Variants in DNAH14 observed in about 807,000 individuals in gnomAD.
DNAH14 encodes dynein axonemal heavy chain 14.
In DNAH14, 478 loss-of-function variants were observed where a neutral mutation model predicts 520.9. The ratio of observed to expected loss-of-function variants is 0.92; its 90% CI spans 0.85 to 0.99. DNAH14 has a LOEUF of 0.99. DNAH14 is among the 50% of genes least tolerant of loss of function. The pLI is 0.00. For missense variants in DNAH14, 4,831 were observed against 5,234.5 expected, an observed-to-expected ratio of 0.92 and a Z score of 2.38; for synonymous variants, 1,581 against 1,757.2, an observed-to-expected ratio of 0.90 and a Z score of 2.51.
intron 24 of DNAH14, 45 bp from the exon 25 acceptor site, chr1:225,117,836 G>C: frequency 6.6e-7 from 1 of 1,516,438 alleles, no homozygotes; most frequent in Non-Finnish European, 9.0e-7. Context: ...GCGATATTCA[G>C]ATCACAATTC....
Position 225,380,234 on chromosome 1 carries a change from G to A in DNAH14, c.12792G>A (p.Glu4264=), listed in dbSNP as rs966946106. 1.3e-6 allele frequency: 2 copies of A among 1,551,570 alleles called. No homozygotes were observed. Among genetic ancestry groups the A allele is most frequent in the African/African-American group, 2.7e-5 (2 of 73,054 alleles). ...TAAAGCGGCTGCCACTGACAGTGGA[G>A]AAAGAAGAAATTGCTGTTGGAACTC... ...DLLKRLPLTV[E]KEEIAVGTPS... is the part of the protein sequence containing the mutation. The change falls in exon 80 of 86, where the codon GAG becomes GAA. Residue 4264 remains glutamate (E), a synonymous_variant. Transcript: ENST00000682510.
intron 41 of DNAH14, among the ~76,000 whole-genome samples, 190 bp from the exon 42 acceptor site, chr1:225,230,883 G>A (rs892220010): frequency 1.3e-5 from 2 of 152,100 alleles, no homozygotes; most frequent in African/African-American, 4.8e-5. Flanking sequence ...TTCTGACAAT[G>A]TAAGAACATT....
intron 38 of DNAH14, among the ~76,000 whole-genome samples, chr1:225,196,592 A>G (rs932534635): frequency 2.6e-5 from 4 of 152,152 alleles, no homozygotes; most frequent in Non-Finnish European, 5.9e-5. Flanking sequence ...AAATCTCCAC[A>G]CTGTTTTCCA....
In DNAH14 at chr1:225,206,974, G is replaced by C; in HGVS notation, c.6193G>C (p.Val2065Leu). 1 of 1,490,622 alleles carries C rather than the reference G, an allele frequency of 6.7e-7. No homozygotes were observed. The highest frequency in any genetic ancestry group is 8.9e-7 in the Non-Finnish European group (1 of 1,120,530). The allele number at this position is 1,490,622 out of a possible 1,614,324, so 92.3% of individuals were successfully genotyped here. ...TTTTGCTCCTTATTATTAGGATCCT[G>C]TTGATCTGGGATGGGAACCTTATGT... ...SRCAMVYMDP[V>L]DLGWEPYVKS... Residue 2065 changes from valine to leucine, a missense_variant, in exon 41 of 86, where the codon GTT becomes CTT. Physicochemically the swap from Val to Leu is conservative, Grantham distance 32 (BLOSUM62 1). Coordinates refer to ENST00000682510, the MANE Select transcript of DNAH14 (RefSeq NM_001367479.1).
intron 81 of DNAH14, among the ~76,000 whole-genome samples, chr1:225,386,178 T>C (rs1468849639): frequency 2.0e-5 from 3 of 152,220 alleles, no homozygotes; most frequent in African/African-American, 4.8e-5. Context: ...GCTAGCCATA[T>C]GTAGAAAGCT....
chr1:224,967,727 G>A, intron 6 of DNAH14, 144 bp downstream of exon 6: 1 of 1,560,888 alleles, frequency 6.4e-7, no homozygotes, highest in South Asian at 1.3e-5. Context: ...AATCTCCTTG[G>A]GAGCATGTTA....
intron 1 of DNAH14, among the ~76,000 whole-genome samples, chr1:224,943,575 A>G (rs757252439): frequency 9.9e-5 from 15 of 151,820 alleles, no homozygotes; most frequent in Admixed American, 3.9e-4. Flanking sequence ...TAGTTCTTTT[A>G]ATTGCGATGT....
chr1:225,078,547 A>C (rs2072573491), intron 17 of DNAH14, among the ~76,000 whole-genome samples: 1 of 152,212 alleles, frequency 6.6e-6, no homozygotes, highest in African/African-American at 2.4e-5. Flanking sequence ...TTAATGCCCC[A>C]GTACTTAAAT....
chr1:225,356,354 A>C (rs538461242), intron 73 of DNAH14, among the ~76,000 whole-genome samples: 1 of 152,308 alleles, frequency 6.6e-6, no homozygotes, highest in East Asian at 1.9e-4. Flanking sequence ...TACAGTCTTC[A>C]CTGCTCCCTG....
At chr1:224,960,929 T>C (rs1460115660) in intron 4 of DNAH14, among the ~76,000 whole-genome samples, 1 of 152,150 alleles carries the variant, frequency 6.6e-6, no homozygotes, top group African/African-American at 2.4e-5. Context: ...GTACCTCATA[T>C]AGCACAAAAC....
intron 46 of DNAH14, among the ~76,000 whole-genome samples, chr1:225,262,628 T>C (rs1221479953): frequency 6.6e-6 from 1 of 152,036 alleles, no homozygotes; most frequent in Non-Finnish European, 1.5e-5. Flanking sequence ...TGTTTTTGTC[T>C]GATTTGTCGA....
intron 15 of DNAH14, among the ~76,000 whole-genome samples, chr1:225,044,462 T>C (rs896971335): frequency 6.6e-6 from 1 of 152,106 alleles, no homozygotes; most frequent in African/African-American, 2.4e-5. Flanking sequence ...TTCTTAAAAG[T>C]TGCATCATTC....
Position 225,168,013 on chromosome 1 carries a change from T to A in DNAH14, c.5520T>A (p.Phe1840Leu). 3 of 1,528,744 alleles carry A rather than the reference T, an allele frequency of 2.0e-6. No homozygotes were observed. The highest frequency in any genetic ancestry group is 2.6e-6 in the Non-Finnish European group (3 of 1,132,546). The allele number at this position is 1,528,744 out of a possible 1,614,324, so 94.7% of individuals were successfully genotyped here. The change falls in exon 36 of 86, where the codon TTT (phenylalanine) becomes TTA (leucine). Residue 1840 changes from phenylalanine to leucine, a missense_variant. Transcript: ENST00000682510. Reference protein sequence around the residue: ...WSSQKEKIIQFYNQLQVCVGV... With the variant: ...WSSQKEKIIQLYNQLQVCVGV... Reference sequence around the variant, plus strand: ...CTCAGAAAGAGAAGATTATACAGTTTTATAATCAACTTCAGGTAAGTATAA... The same window carrying A: ...CTCAGAAAGAGAAGATTATACAGTTATATAATCAACTTCAGGTAAGTATAA...
chr1:225,214,271 G>A (rs1028827211), intron 41 of DNAH14, among the ~76,000 whole-genome samples: 25 of 152,194 alleles, frequency 1.6e-4, no homozygotes, highest in Non-Finnish European at 3.1e-4. Flanking sequence ...CTTGATCATA[G>A]TGGATAAGCT....
chr1:225,384,730 T>A (rs1487015885), intron 81 of DNAH14, among the ~76,000 whole-genome samples: 2 of 152,182 alleles, frequency 1.3e-5, no homozygotes, highest in African/African-American at 4.8e-5. Context: ...ATTGAGGCAA[T>A]AATTAATAGC....
chr1:225,083,550 A>C (rs1386797078), intron 20 of DNAH14, among the ~76,000 whole-genome samples: 2 of 152,164 alleles, frequency 1.3e-5, no homozygotes, highest in Non-Finnish European at 2.9e-5. Flanking sequence ...CAAAATTAAC[A>C]TGTCAAAAAC....
chr1:225,380,265 A>C lies in DNAH14; in HGVS notation c.12823A>C (p.Thr4275Pro), dbSNP rs1192991734. The C allele has an allele frequency of 6.4e-7, 1 of 1,551,720 alleles. No individual in the cohort carries two copies. Among genetic ancestry groups the C allele is most frequent in the South Asian group, 1.2e-5 (1 of 84,060 alleles). ...AGAAATTGCTGTTGGAACTCCAAGC[A>C]CATTGAAGAGCATGATGTCAAGCTC... ...KEEIAVGTPSTLKSMMSSSIW... is the reference protein window; with the variant it reads ...KEEIAVGTPSPLKSMMSSSIW... The change falls in exon 80 of 86, where the codon ACA (threonine) becomes CCA (proline). Residue 4275 changes from threonine to proline, a missense_variant. Thr to Pro is a conservative substitution (Grantham distance 38, BLOSUM62 -1). Coordinates refer to ENST00000682510, the MANE Select transcript of DNAH14 (RefSeq NM_001367479.1).
Position 225,338,123 on chromosome 1 carries a change from A to T in DNAH14, c.10374A>T (p.Lys3458Asn). 2 of 1,551,874 alleles carry T rather than the reference A, an allele frequency of 1.3e-6. No homozygotes were observed. The highest frequency in any genetic ancestry group is 1.7e-6 in the Non-Finnish European group (2 of 1,146,986). ...TTCTGAAAAAGGATATCTATCAGAA[A>T]AAAGGACACTATTTCATAAGGGTTG... ...KAILKKDIYQ[K>N]KGHYFIRVGD... is the part of the protein sequence containing the mutation. Residue 3458 changes from lysine to asparagine, a missense_variant, in exon 68 of 86, where the codon AAA becomes AAT. Transcript: ENST00000682510.
chr1:225,339,963 A>G (rs1322443582), intron 68 of DNAH14, among the ~76,000 whole-genome samples: 1 of 152,190 alleles, frequency 6.6e-6, no homozygotes, highest in East Asian at 1.9e-4. Flanking sequence ...CATGTTGGGT[A>G]CAATGTACAC....
Sources: allele counts gnomAD v4.1 joint callset (sites outside exome capture counted in the v4.1 genomes callset), GRCh38; gene constraint gnomAD v4.1.1; transcripts MANE v1.5; gene names NCBI Gene and HGNC (gene_info 2026-07-23, HGNC 2026-07-21).